AGO3: variants seen among roughly 807,000 people sequenced by gnomAD.
The protein encoded by AGO3 is protein argonaute-3.
Under a neutral mutation model 105.5 loss-of-function variants are expected in AGO3, and 16 were observed. The observed-to-expected ratio is 0.15, with a 90% CI of 0.10 to 0.23. The LOEUF is 0.23. AGO3 is among the 10% of genes least tolerant of loss of function. The pLI is 1.00. For missense variants in AGO3, 534 were observed against 1,088.0 expected (o/e 0.49, Z 7.16); for synonymous variants, 340 against 367.3 (o/e 0.93, Z 0.85).
chr1:36,014,951 G>C (rs1441577527), intron 11 of AGO3, among the ~76,000 whole-genome samples: 2 of 152,082 alleles, frequency 1.3e-5, no homozygotes, highest in African/African-American at 4.8e-5. Flanking sequence ...ACACTCTTGT[G>C]ACTAAATGTG....
At chr1:35,985,205 C>T (rs958992227) in intron 5 of AGO3, among the ~76,000 whole-genome samples, 1 of 152,088 alleles carries the variant, frequency 6.6e-6, no homozygotes, top group African/African-American at 2.4e-5. Flanking sequence ...ATCGCTTGAG[C>T]CCAGAAGTCG....
chr1:36,021,499 G>A lies in AGO3; in HGVS notation c.1407-5615G>A, dbSNP rs1050977065. Among the ~76,000 whole-genome samples, 6 of 152,046 alleles carry A rather than the reference G, an allele frequency of 3.9e-5. 1 individual carries two copies. Among genetic ancestry groups the A allele is most frequent in the South Asian group, 2.1e-4 (1 of 4,810 alleles). ...ATTAATATTTATAAAAATATAACTC[G>A]ATGGAGTTTAAACATCACTTCTTAT... On this transcript the variant is annotated intron_variant, in intron 11 of 18. Coordinates refer to ENST00000373191, the MANE Select transcript of AGO3 (RefSeq NM_024852.4).
intron 3 of AGO3, among the ~76,000 whole-genome samples, chr1:35,971,393 A>G (rs1029724703): frequency 1.3e-5 from 2 of 151,440 alleles, no homozygotes; most frequent in East Asian, 1.9e-4. Flanking sequence ...TCCTGACCTC[A>G]AGTGATCAGC....
Position 36,055,780 on chromosome 1 carries a change from A to C in AGO3, c.*35A>C. The stretch of plus-strand genomic sequence containing the variant: ...GTATATTCTCTGAGAGGAAGTACTG[A>C]AAGATGAATTGACATACAACGTATG... On this transcript the variant is annotated 3_prime_UTR_variant, in exon 19 of 19. Transcript: ENST00000373191. The surrounding 1 kb of genome is among the most constrained non-coding windows in gnomAD (Gnocchi z 4.4). 1 of 1,598,740 alleles carries C rather than the reference A, an allele frequency of 6.3e-7. No homozygotes were observed. The highest frequency in any genetic ancestry group is 8.6e-7 in the Non-Finnish European group (1 of 1,166,412).
intron 10 of AGO3, 37 bp downstream of exon 10, chr1:36,013,789 T>C (rs747115354): frequency 1.6e-5 from 25 of 1,608,330 alleles, no homozygotes; most frequent in Middle Eastern, 1.6e-4. Context: ...CATACACATA[T>C]TGTCTGTAAG....
intron 1 of AGO3, among the ~76,000 whole-genome samples, chr1:35,938,809 T>C (rs970704396): frequency 2.0e-5 from 3 of 152,198 alleles, no homozygotes; most frequent in African/African-American, 7.2e-5. Context: ...TAATTGGCTA[T>C]AGTATATGTT....
At chr1:35,966,886 T>C (rs1646784339) in intron 2 of AGO3, 69 bp from the exon 3 acceptor site, 3 of 1,497,702 alleles carry the variant, frequency 2.0e-6, no homozygotes, top group East Asian at 4.6e-5. Context: ...TGGCAGAAAT[T>C]ACTTCTGTTA....
Position 36,034,154 on chromosome 1 carries a change from G to GT in AGO3, c.1592-16dup, listed in dbSNP as rs1464817314. ...TTCAGGTCTTTTTTTCTGACTAGAG[G>GT]TTTTGCATCTATTCCATAGCGGAAG... On this transcript the variant is annotated intron_variant, in intron 12 of 18. Transcript: ENST00000373191. The GT allele has an allele frequency of 4.0e-6, 6 of 1,500,550 alleles. No individual in the cohort carries two copies. The African/African-American group carries it at 8.5e-5, about 21-fold the overall frequency. 93.0% of individuals were successfully genotyped at this position (1,500,550 alleles called of 1,614,324 possible).
At chr1:36,020,493 G>A (rs1381097339) in intron 11 of AGO3, among the ~76,000 whole-genome samples, 6 of 152,126 alleles carry the variant, frequency 3.9e-5, no homozygotes, top group African/African-American at 1.4e-4. Flanking sequence ...AAAGTTACCA[G>A]AAACCTATCT....
chr1:35,976,482 A>AT (rs60171281), intron 5 of AGO3, among the ~76,000 whole-genome samples: 5 of 151,972 alleles, frequency 3.3e-5, no homozygotes, highest in South Asian at 4.1e-4. Context: ...TATACCTCTA[A>AT]TTTTTTTTAT....
chr1:35,952,580 C>T (rs1646494131), intron 2 of AGO3, among the ~76,000 whole-genome samples: 1 of 152,150 alleles, frequency 6.6e-6, no homozygotes, highest in Admixed American at 6.5e-5. Context: ...CAGTGAATTA[C>T]AGACCACATG....
At chr1:35,976,158 C>T (rs138034885) in intron 5 of AGO3, among the ~76,000 whole-genome samples, 6,150 of 152,188 alleles carry the variant, frequency 0.04, 421 homozygotes, top group African/African-American at 0.14. Context: ...TGGTCTCGAA[C>T]TCCTGATTTC....
At chr1:35,988,808 C>T (rs899762832) in intron 5 of AGO3, among the ~76,000 whole-genome samples, 1 of 151,970 alleles carries the variant, frequency 6.6e-6, no homozygotes, top group African/African-American at 2.4e-5. Flanking sequence ...AGTGGGATTG[C>T]TAGATCATGT....
rs757336923 is a variant in AGO3 at position 36,068,236 on chromosome 1, A to G, written c.*12491A>G. On this transcript the variant is annotated 3_prime_UTR_variant, in exon 19 of 19. Coordinates refer to ENST00000373191, the MANE Select transcript of AGO3 (RefSeq NM_024852.4). The stretch of plus-strand genomic sequence containing the variant: ...ATGAAGAGAAATTCTAACTCAGTTA[A>G]GTGAGAATTAAGATTGAAAGTATTA... 7.9e-5 allele frequency: 12 copies of G among 152,256 alleles called. No homozygotes were observed. The highest frequency in any genetic ancestry group is 1.5e-4 in the Non-Finnish European group (10 of 68,046). The allele number at this position is 152,256 out of a possible 1,614,324, so 9.4% of individuals were successfully genotyped here.
At chr1:36,053,776 G>A (rs1642816958) in intron 17 of AGO3, among the ~76,000 whole-genome samples, 4 of 102,284 alleles carry the variant, frequency 3.9e-5, no homozygotes, top group Non-Finnish European at 7.5e-5. Flanking sequence ...TTTTGAGACA[G>A]TCTCGCTCTG....
At position 36,055,858 on chromosome 1, in the gene AGO3, A is replaced by T; in HGVS notation, c.*113A>T. ...CACCTCCAGCCATACAGAAACCAACACTGTGTGGGGGCCAAGGTCTGATCC... is the reference window on the plus strand; with the variant it reads ...CACCTCCAGCCATACAGAAACCAACTCTGTGTGGGGGCCAAGGTCTGATCC... On this transcript the variant is annotated 3_prime_UTR_variant, in exon 19 of 19. Transcript: ENST00000373191. This position sits in a 1 kb window ranked among gnomAD's most constrained non-coding sequence, Gnocchi z 4.4. The T allele has an allele frequency of 3.1e-6, 3 of 955,294 alleles. No homozygotes were observed. The highest frequency in any genetic ancestry group is 3.1e-5 in the South Asian group (2 of 65,018). The allele number at this position is 955,294 out of a possible 1,614,324, so 59.2% of individuals were successfully genotyped here.
At chr1:35,991,535 T>TTATATATATA (rs138153778) in intron 5 of AGO3, among the ~76,000 whole-genome samples, 2 of 145,758 alleles carry the variant, frequency 1.4e-5, no homozygotes, top group African/African-American at 5.0e-5. Context: ...GGAGCAAATT[T>TTATATATATA]TATATATATA....
At chr1:36,024,082 G>A (rs1184069685) in intron 11 of AGO3, among the ~76,000 whole-genome samples, 1 of 150,800 alleles carries the variant, frequency 6.6e-6, no homozygotes, top group Non-Finnish European at 1.5e-5. Flanking sequence ...TTTATGCTTA[G>A]CAAGTTCAAT....
At chr1:36,010,472 C>T (rs139863633) in intron 9 of AGO3, among the ~76,000 whole-genome samples, 32 of 151,954 alleles carry the variant, frequency 2.1e-4, no homozygotes, top group African/African-American at 6.7e-4. Flanking sequence ...GGCATGGTGG[C>T]ATGTGTCTGT....
Sources: gnomAD v4.1 joint callset for allele counts (sites outside exome capture counted in the v4.1 genomes callset) on GRCh38, gnomAD v4.1.1 for gene constraint, Gnocchi (gnomAD v3.1) non-coding constraint, MANE v1.5 for transcripts, NCBI Gene and HGNC (gene_info 2026-07-23, HGNC 2026-07-21) for gene names.